Variants in NEMP2 observed in about 807,000 individuals in gnomAD.
The protein encoded by NEMP2 is nuclear envelope integral membrane protein 2.
A neutral mutation model predicts 54.2 loss-of-function variants in NEMP2; 53 were observed. The ratio of observed to expected loss-of-function variants is 0.98; its 90% CI spans 0.78 to 1.23. The LOEUF is 1.23. Ranked by LOEUF, NEMP2 falls within the 50% of genes most tolerant of loss-of-function variation. The pLI is 0.00. For missense variants in NEMP2, 455 were observed against 511.3 expected (o/e 0.89, Z 1.06); for synonymous variants, 197 against 190.3 (o/e 1.04, Z -0.29).
chr2:190,471,270 C>T, the NEMP2 span, among the ~76,000 whole-genome samples: 3 of 152,240 alleles, frequency 2.0e-5, no homozygotes, highest in African/African-American at 7.2e-5. This position sits in a 1 kb window ranked among gnomAD's most constrained non-coding sequence, Gnocchi z 4.7. Flanking sequence ...GCGCGGTGAG[C>T]GTGAGCTGAA....
rs981097265 is a variant in NEMP2 at position 190,521,807 on chromosome 2, T to C, written c.214-2624A>G. On this transcript the variant is annotated intron_variant, in intron 2 of 8. Transcript: ENST00000409150. The surrounding 1 kb of genome is among the most constrained non-coding windows in gnomAD (Gnocchi z 6.2). ...GATTATTCCCTTCTCCTTATTATAC[T>C]TCTCCCTAGGGCTTCCAGGACATCT... is the stretch of plus-strand genomic sequence containing the variant. Among the ~76,000 whole-genome samples, 4 of 152,192 alleles carry C rather than the reference T, an allele frequency of 2.6e-5. No individual in the cohort carries two copies. Among genetic ancestry groups the C allele is most frequent in the African/African-American group, 9.7e-5 (4 of 41,444 alleles).
At chr2:190,637,961 G>A in the NEMP2 span, among the ~76,000 whole-genome samples, 8 of 152,188 alleles carry the variant, frequency 5.3e-5, no homozygotes, top group Admixed American at 6.5e-5. This position sits in a 1 kb window ranked among gnomAD's most constrained non-coding sequence, Gnocchi z 4.5. Context: ...ATCAGATCAC[G>A]TTCTTCCTTG....
Position 190,518,743 on chromosome 2 carries a change from G to A in NEMP2, c.511C>T (p.Leu171=). 1.9e-6 allele frequency: 3 copies of A among 1,540,912 alleles called. No homozygotes were observed. The highest frequency in any genetic ancestry group is 2.6e-6 in the Non-Finnish European group (3 of 1,144,034). The change falls in exon 4 of 9, where the codon CTG becomes TTG. Residue 171 remains leucine, a synonymous_variant. Coordinates refer to ENST00000409150, the MANE Select transcript of NEMP2 (RefSeq NM_001142645.2). ...GVFLFFYART[L]SQSPTFYYSS... ...ATAAAAAGGAATACTTACTGACTCAGGGTCCTTGCATAAAAGAAAAGAAAA... is the reference window on the plus strand; with the variant it reads ...ATAAAAAGGAATACTTACTGACTCAAGGTCCTTGCATAAAAGAAAAGAAAA...
chr2:190,571,528 G>A, the NEMP2 span, among the ~76,000 whole-genome samples: 2 of 151,514 alleles, frequency 1.3e-5, no homozygotes, highest in African/African-American at 2.4e-5. Context: ...GGGTGACAGA[G>A]TGAGACTCTG....
the NEMP2 span, among the ~76,000 whole-genome samples, chr2:190,599,568 A>G: frequency 2.6e-5 from 4 of 152,322 alleles, no homozygotes; most frequent in Admixed American, 1.3e-4. Context: ...GCATTTAAAA[A>G]TTTTAATTTT....
chr2:190,539,715 G>C (rs1273011870), upstream of NEMP2, among the ~76,000 whole-genome samples: 5 of 152,096 alleles, frequency 3.3e-5, no homozygotes, highest in African/African-American at 1.2e-4. This position sits in a 1 kb window ranked among gnomAD's most constrained non-coding sequence, Gnocchi z 4.1. Context: ...TTCTTTTTCA[G>C]ATTGTTTGCT....
At chr2:190,497,694 G>A in the NEMP2 span, 20 of 1,613,852 alleles carry the variant, frequency 1.2e-5, no homozygotes, top group Admixed American at 1.7e-5. This position sits in a 1 kb window ranked among gnomAD's most constrained non-coding sequence, Gnocchi z 5.2. Context: ...AGAGACAACC[G>A]TGCTTCTGAG....
the NEMP2 span, among the ~76,000 whole-genome samples, chr2:190,585,436 C>G: frequency 1.3e-5 from 2 of 152,148 alleles, no homozygotes; most frequent in African/African-American, 4.8e-5. This position sits in a 1 kb window ranked among gnomAD's most constrained non-coding sequence, Gnocchi z 5.3. Flanking sequence ...GAAACAGCAC[C>G]CACTCTGGGT....
the NEMP2 span, chr2:190,498,126 G>A: frequency 6.0e-6 from 1 of 167,598 alleles, no homozygotes; most frequent in Non-Finnish European, 1.3e-5. This position sits in a 1 kb window ranked among gnomAD's most constrained non-coding sequence, Gnocchi z 5.9. Context: ...CCACTGTATG[G>A]GTCTGATAGG....
Position 190,519,164 on chromosome 2 carries a change from C to G in NEMP2, c.233G>C (p.Gly78Ala), listed in dbSNP as rs946147900. The change falls in exon 3 of 9, where the codon GGC becomes GCC. Residue 78 changes from glycine (G) to alanine (A), a missense_variant. Coordinates refer to ENST00000409150, the MANE Select transcript of NEMP2 (RefSeq NM_001142645.2). The surrounding 1 kb of genome is among the most constrained non-coding windows in gnomAD (Gnocchi z 5.4). ...TGCGATATATACAATTCTGAACAGGCCTGGACTGGTAATTTTCACCTGTAA... is the reference window on the plus strand; with the variant it reads ...TGCGATATATACAATTCTGAACAGGGCTGGACTGGTAATTTTCACCTGTAA... ...STMQVKITSP[G>A]LFRIVYIAER... 4.1e-5 allele frequency: 64 copies of G among 1,546,868 alleles called. No individual in the cohort carries two copies. The Admixed American group carries it at 1.3e-3, about 30-fold the overall frequency.
the NEMP2 span, chr2:190,465,006 C>T: frequency 3.0e-6 from 2 of 677,772 alleles, no homozygotes; most frequent in Non-Finnish European, 3.7e-6. The surrounding 1 kb of genome is among the most constrained non-coding windows in gnomAD (Gnocchi z 4.6). Context: ...TACAGAATGA[C>T]TCATAATTCA....
upstream of NEMP2, among the ~76,000 whole-genome samples, chr2:190,539,462 AT>A (rs916839942): frequency 7.9e-5 from 12 of 151,534 alleles, no homozygotes; most frequent in South Asian, 1.0e-3. The surrounding 1 kb of genome is among the most constrained non-coding windows in gnomAD (Gnocchi z 4.1). Flanking sequence ...AAATTTTAGG[AT>A]TTTTTTTTAT....
Position 190,530,286 on chromosome 2 carries a change from G to A in NEMP2, c.97+4273C>T, listed in dbSNP as rs1170050586. ...GGCCTCTGGCTTTTGAGGTGAAGCTGATGTGGAATTTACACAATCCATGAG... is the reference window on the plus strand; with the variant it reads ...GGCCTCTGGCTTTTGAGGTGAAGCTAATGTGGAATTTACACAATCCATGAG... On this transcript the variant is annotated intron_variant, in intron 1 of 8. Transcript: ENST00000409150. This position sits in a 1 kb window ranked among gnomAD's most constrained non-coding sequence, Gnocchi z 4.6. Among the ~76,000 whole-genome samples, 2 of 152,324 alleles carry A rather than the reference G, an allele frequency of 1.3e-5. No individual in the cohort carries two copies. Among genetic ancestry groups the A allele is most frequent in the East Asian group, 3.9e-4 (2 of 5,176 alleles).
rs1412420211 is a variant in NEMP2, at chr2:190,504,375, T to C, written c.*4814A>G. On this transcript the variant is annotated 3_prime_UTR_variant, in exon 9 of 9. Transcript: ENST00000409150. This position sits in a 1 kb window ranked among gnomAD's most constrained non-coding sequence, Gnocchi z 5.6. ...ATTTTATTGCCATTTAAATCTATAA[T>C]CATATTCCATTCTCCCAATCTACAG... 1 of 151,978 alleles carries C rather than the reference T, an allele frequency of 6.6e-6. No homozygotes were observed. Among genetic ancestry groups the C allele is most frequent in the African/African-American group, 2.4e-5 (1 of 41,366 alleles). 9.4% of individuals were successfully genotyped at this position (151,978 alleles called of 1,614,324 possible). A position where few individuals can be genotyped will look rare whatever the true frequency, so the allele number is the denominator to read the frequency against.
chr2:190,589,448 A>C, the NEMP2 span, among the ~76,000 whole-genome samples: 1 of 152,178 alleles, frequency 6.6e-6, no homozygotes, highest in African/African-American at 2.4e-5. This position sits in a 1 kb window ranked among gnomAD's most constrained non-coding sequence, Gnocchi z 4.3. Flanking sequence ...TGAAAATGTC[A>C]CATTTAAGAA....
At chr2:190,586,311 C>T in the NEMP2 span, among the ~76,000 whole-genome samples, 1 of 152,046 alleles carries the variant, frequency 6.6e-6, no homozygotes, top group African/African-American at 2.4e-5. The surrounding 1 kb of genome is among the most constrained non-coding windows in gnomAD (Gnocchi z 4.5). Context: ...GGCTAAGTAC[C>T]CCCGAAGTCA....
At chr2:190,482,940 G>A in the NEMP2 span, among the ~76,000 whole-genome samples, 21,638 of 128,296 alleles carry the variant, frequency 0.17, 1,877 homozygotes, top group Middle Eastern at 0.3. Flanking sequence ...GCCGGACTGC[G>A]GACTGCAGTG....
At chr2:190,609,381 A>G in the NEMP2 span, 1 of 152,154 alleles carries the variant, frequency 6.6e-6, no homozygotes, top group Admixed American at 6.5e-5. The surrounding 1 kb of genome is among the most constrained non-coding windows in gnomAD (Gnocchi z 4.7). Flanking sequence ...CTGCTAAATC[A>G]TGGAGGTTTG....
At chr2:190,598,234 G>A in the NEMP2 span, among the ~76,000 whole-genome samples, 2 of 152,184 alleles carry the variant, frequency 1.3e-5, no homozygotes, top group Non-Finnish European at 2.9e-5. Context: ...CACTGTTTAA[G>A]GCTGAGATGA....
Sources: allele counts gnomAD v4.1 joint callset (sites outside exome capture counted in the v4.1 genomes callset), GRCh38; gene constraint gnomAD v4.1.1; non-coding constraint Gnocchi (gnomAD v3.1); transcripts MANE v1.5; gene names NCBI Gene and HGNC (gene_info 2026-07-23, HGNC 2026-07-21).